Variants in ANKRD31 observed in about 807,000 individuals in gnomAD.
The protein encoded by ANKRD31 is ankyrin repeat domain-containing protein 31.
Under a neutral mutation model 186.0 loss-of-function variants are expected in ANKRD31, and 147 were observed. The observed-to-expected ratio is 0.79, with a 90% CI of 0.69 to 0.91. The LOEUF (loss-of-function observed/expected upper bound fraction) is 0.91. Among genes scored for constraint, ANKRD31 ranks in the 40% least tolerant of loss-of-function variants. The pLI, the probability that ANKRD31 is intolerant of heterozygous loss-of-function variation, is 0.00. For synonymous variants in ANKRD31, 673 were observed against 736.4 expected, an observed-to-expected ratio of 0.91 and a Z score of 1.39; for missense variants, 1,986 against 2,148.8, an observed-to-expected ratio of 0.92 and a Z score of 1.50.
intron 22 of ANKRD31, among the ~76,000 whole-genome samples, chr5:75,100,270 G>A (rs1219651295): frequency 6.6e-6 from 1 of 152,200 alleles, no homozygotes; most frequent in Non-Finnish European, 1.5e-5. Context: ...TAGTTTGATT[G>A]CACTGTGGTC....
In ANKRD31 at chr5:75,222,259, G is replaced by A. The variant is rs1336135383; in HGVS notation, c.278C>T (p.Thr93Ile). 2.0e-6 allele frequency: 3 copies of A among 1,533,764 alleles called. No individual in the cohort carries two copies. The South Asian group carries it at 3.6e-5, about 18-fold the overall frequency. ...CAACATGCTACACACCTGTAATATT[G>A]TATCCTCGCTAAGAACAGGCATCAT... ...NKMMPVLSED[T>I]ILQSQDETER... The change falls in exon 3 of 26, where the codon ACA becomes ATA. Residue 93 changes from threonine to isoleucine, a missense_variant. Coordinates refer to ENST00000506364, the MANE Select transcript of ANKRD31 (RefSeq NM_001372053.1).
At chr5:75,084,404 A>G in intron 23 of ANKRD31, 30 bp from the exon 24 acceptor site, 1 of 1,419,594 alleles carries the variant, frequency 7.0e-7, no homozygotes. Context: ...AAATTTATAA[A>G]TCATACATTC....
intron 21 of ANKRD31, among the ~76,000 whole-genome samples, chr5:75,105,552 C>T (rs1258137640): frequency 6.6e-6 from 1 of 152,214 alleles, no homozygotes; most frequent in East Asian, 1.9e-4. Flanking sequence ...CTTGGATCAT[C>T]TATCTAAACA....
At chr5:75,095,108 T>C (rs767299415) in intron 22 of ANKRD31, among the ~76,000 whole-genome samples, 38 of 152,184 alleles carry the variant, frequency 2.5e-4, no homozygotes, top group Admixed American at 7.2e-4. Context: ...CCACTTTCAA[T>C]AACGTATGGT....
chr5:75,206,284 T>G (rs1580555593), intron 5 of ANKRD31, 127 bp downstream of exon 5: 1 of 48,642 alleles, frequency 2.1e-5, no homozygotes, highest in Non-Finnish European at 3.3e-5. Context: ...TATATATATA[T>G]ATATATATAT....
intron 25 of ANKRD31, 50 bp downstream of exon 25, chr5:75,080,518 C>T (rs912419138): frequency 3.1e-6 from 4 of 1,297,664 alleles, no homozygotes; most frequent in Non-Finnish European, 4.2e-6. Context: ...TATGTAGAAT[C>T]TAAACACTTA....
intron 19 of ANKRD31, among the ~76,000 whole-genome samples, chr5:75,113,310 T>C (rs960983611): frequency 6.6e-6 from 1 of 152,190 alleles, no homozygotes; most frequent in Non-Finnish European, 1.5e-5. Context: ...AAGAATCCAC[T>C]AAATAGTGAA....
intron 11 of ANKRD31, among the ~76,000 whole-genome samples, chr5:75,167,583 G>A (rs185146790): frequency 6.6e-6 from 1 of 152,310 alleles, no homozygotes; most frequent in East Asian, 1.9e-4. Context: ...CAGGCAGATT[G>A]GAGGATTGCA....
At chr5:75,158,925 A>G (rs2150168382) in intron 11 of ANKRD31, among the ~76,000 whole-genome samples, 1 of 152,312 alleles carries the variant, frequency 6.6e-6, no homozygotes, top group East Asian at 1.9e-4. Flanking sequence ...AAAACACTCT[A>G]AAACAGCTAT....
chr5:75,196,923 T>C (rs953493338), intron 6 of ANKRD31, among the ~76,000 whole-genome samples: 1 of 152,020 alleles, frequency 6.6e-6, no homozygotes, highest in Non-Finnish European at 1.5e-5. Context: ...TTTTTTGAGA[T>C]GAGGTCTCAC....
rs183337459 is a variant in ANKRD31 at position 75,123,780 on chromosome 5, A to C, written c.3877-5483T>G. ...ATGTCTCTAATCATATAAAAAATCA[A>C]ATATAGACAAATCAAAGACTTAAAT... is the stretch of plus-strand genomic sequence containing the variant. On this transcript the variant is annotated intron_variant, in intron 17 of 25. Coordinates refer to ENST00000506364, the MANE Select transcript of ANKRD31 (RefSeq NM_001372053.1). 1.7e-4 allele frequency among the ~76,000 whole-genome samples: 26 copies of C among 152,196 alleles called. No homozygotes were observed. In the East Asian group the frequency reaches 4.8e-3, roughly 28 times the overall value.
At chr5:75,078,070 AT>A (rs1561395794) in intron 25 of ANKRD31, among the ~76,000 whole-genome samples, 1 of 152,106 alleles carries the variant, frequency 6.6e-6, no homozygotes, top group Non-Finnish European at 1.5e-5. Flanking sequence ...GTAGGTAGAT[AT>A]ATTATCTACC....
intron 25 of ANKRD31, among the ~76,000 whole-genome samples, chr5:75,075,954 T>C (rs1026472729): frequency 2.6e-5 from 4 of 152,186 alleles, no homozygotes; most frequent in Admixed American, 6.5e-5. Flanking sequence ...CACTTTTAAG[T>C]CTAAAATTTT....
rs1489888570 is a variant in ANKRD31, at chr5:75,146,014, CT to C, written c.3396del (p.Glu1133LysfsTer13). ...GGTTTGTGAGAAATTTCCTTCTTTT[CT>C]CTTTGACTAAGTTTTGAGATGTTGG... Reference protein sequence around the residue: ...ELANISKLSQREKKEISHKPD... With the variant: ...ELANISKLSQXEKKEISHKPD... On this transcript the variant is annotated frameshift_variant, in exon 14 of 26. Coordinates refer to ENST00000506364, the MANE Select transcript of ANKRD31 (RefSeq NM_001372053.1). LOFTEE classifies it high-confidence loss of function. 1.3e-6 allele frequency: 2 copies of C among 1,492,948 alleles called. No homozygotes were observed. The highest frequency in any genetic ancestry group is 1.8e-6 in the Non-Finnish European group (2 of 1,129,262). 92.5% of individuals were successfully genotyped at this position (1,492,948 alleles called of 1,614,324 possible). A position where few individuals can be genotyped will look rare whatever the true frequency, so the allele number is the denominator to read the frequency against.
chr5:75,192,541 T>C, intron 9 of ANKRD31, 126 bp downstream of exon 9: 1 of 740,424 alleles, frequency 1.4e-6, no homozygotes, highest in African/African-American at 1.8e-5. Flanking sequence ...GGAAAAACCC[T>C]TAACCTATCT....
At chr5:75,098,010 G>C (rs1324886898) in intron 22 of ANKRD31, among the ~76,000 whole-genome samples, 1 of 151,822 alleles carries the variant, frequency 6.6e-6, no homozygotes, top group Admixed American at 6.6e-5. Flanking sequence ...GTGTTCCATT[G>C]GTCGTCTATA....
chr5:75,222,217 A>C, intron 3 of ANKRD31, 32 bp downstream of exon 3: 2 of 1,424,620 alleles, frequency 1.4e-6, no homozygotes, highest in Non-Finnish European at 1.9e-6. Context: ...CCAATTTTTA[A>C]TGAGTATGTA....
intron 7 of ANKRD31, among the ~76,000 whole-genome samples, chr5:75,195,197 T>C (rs751988848): frequency 6.6e-6 from 1 of 152,086 alleles, no homozygotes; most frequent in African/African-American, 2.4e-5. Flanking sequence ...ATATATTCTA[T>C]GTCAAAATGT....
rs1753150145 is a variant in ANKRD31, at chr5:75,169,297, T to C, written c.1565-176A>G. The stretch of plus-strand genomic sequence containing the variant: ...TATTATTTGGTAGGTTCAATAAACC[T>C]GAAGGACAAATCAAACTCCTACCCC... On this transcript the variant is annotated intron_variant, in intron 10 of 25. Transcript: ENST00000506364. 6.9e-6 allele frequency: 5 copies of C among 724,376 alleles called. No homozygotes were observed. In the South Asian group the frequency reaches 1.2e-4, roughly 17 times the overall value. 44.9% of individuals were successfully genotyped at this position (724,376 alleles called of 1,614,324 possible). A position where few individuals can be genotyped will look rare whatever the true frequency, so the allele number is the denominator to read the frequency against.
Sources: allele counts gnomAD v4.1 joint callset (sites outside exome capture counted in the v4.1 genomes callset), GRCh38; gene constraint gnomAD v4.1.1; transcripts MANE v1.5; gene names NCBI Gene and HGNC (gene_info 2026-07-23, HGNC 2026-07-21).